ZNF207: variants seen among roughly 807,000 people sequenced by gnomAD.
ZNF207 encodes the protein BUB3-interacting and GLEBS motif-containing protein ZNF207.
In ZNF207, 24 loss-of-function variants were observed where a neutral mutation model predicts 60.2. That is an observed-to-expected ratio of 0.40 (90% CI 0.29 to 0.56). The LOEUF (loss-of-function observed/expected upper bound fraction) is 0.56. Among genes scored for constraint, ZNF207 ranks in the 20% least tolerant of loss-of-function variants. The pLI, the probability that ZNF207 is intolerant of heterozygous loss-of-function variation, is 0.49. For missense variants in ZNF207, 452 were observed against 636.6 expected (o/e 0.71, Z 3.12); for synonymous variants, 236 against 194.7 (o/e 1.21, Z -1.77).
At chr17:32,366,514 C>G (rs572590226) in intron 8 of ZNF207, 151 bp from the exon 9 acceptor site, 1 of 486,616 alleles carries the variant, frequency 2.1e-6, no homozygotes, top group African/African-American at 2.0e-5. Context: ...ATTGTAAATG[C>G]ATTAACTGCC....
chr17:32,355,294 C>G (rs1249181591), intron 2 of ZNF207, among the ~76,000 whole-genome samples: 1 of 152,156 alleles, frequency 6.6e-6, no homozygotes, highest in Non-Finnish European at 1.5e-5. Flanking sequence ...GAGGCTGAGG[C>G]AGGAGGATCG....
rs988092313 is a variant in ZNF207, at chr17:32,365,199, A to G, written c.671-131A>G. 2.2e-5 allele frequency: 22 copies of G among 997,394 alleles called. No individual in the cohort carries two copies. In the Admixed American group the frequency reaches 4.0e-4, roughly 18 times the overall value. 61.8% of individuals were successfully genotyped at this position (997,394 alleles called of 1,614,324 possible). The stretch of plus-strand genomic sequence containing the variant: ...TAAGGTAAGAATGTTGCATGGGGCA[A>G]ATGCCTAAGTTCCTTGGATTTAGTC... On this transcript the variant is annotated intron_variant, in intron 7 of 11. Coordinates refer to ENST00000394670, the MANE Select transcript of ZNF207 (RefSeq NM_001098507.2).
intron 6 of ZNF207, among the ~76,000 whole-genome samples, chr17:32,362,154 G>GTATA (rs1904924408): frequency 6.6e-6 from 1 of 151,278 alleles, no homozygotes; most frequent in Non-Finnish European, 1.5e-5. Context: ...GTGTGTGTGT[G>GTATA]TGTATATGTA....
At position 32,350,222 on chromosome 17, in the gene ZNF207, AT is replaced by A. The variant is rs761907686; in HGVS notation, c.-59del. Reference sequence around the variant, plus strand: ...AGCCGTTGGGTTGGGAAAGTGAGGGATTTTTGGCCTCGTTTCTCCTGCTTCT... The same window carrying A: ...AGCCGTTGGGTTGGGAAAGTGAGGGATTTTGGCCTCGTTTCTCCTGCTTCT... On this transcript the variant is annotated 5_prime_UTR_variant, in exon 1 of 12. Coordinates refer to ENST00000394670, the MANE Select transcript of ZNF207 (RefSeq NM_001098507.2). 3.8e-5 allele frequency: 61 copies of A among 1,609,696 alleles called. No individual in the cohort carries two copies. The East Asian group carries it at 1.3e-3, about 35-fold the overall frequency.
At chr17:32,357,569 G>A (rs1904618437) in intron 2 of ZNF207, among the ~76,000 whole-genome samples, 2 of 151,306 alleles carry the variant, frequency 1.3e-5, no homozygotes, top group South Asian at 2.1e-4. Context: ...GGCTGGTCTC[G>A]AACTCTTGAC....
At chr17:32,353,401 G>A (rs1333990911) in intron 2 of ZNF207, among the ~76,000 whole-genome samples, 1 of 152,076 alleles carries the variant, frequency 6.6e-6, no homozygotes, top group Non-Finnish European at 1.5e-5. Flanking sequence ...TGGGTGGGAG[G>A]TAGGGAGACG....
chr17:32,367,271 ATATATATAT>A (rs1567825005), intron 9 of ZNF207, among the ~76,000 whole-genome samples: 21 of 87,776 alleles, frequency 2.4e-4, no homozygotes, highest in Admixed American at 5.5e-4. Context: ...ATATATATAT[ATATATATAT>A]ATATAAAGAA....
Position 32,377,735 on chromosome 17 carries a change from A to T in ZNF207, c.*7976A>T, listed in dbSNP as rs142569387. 4 of 152,016 alleles carry T rather than the reference A, an allele frequency of 2.6e-5. No individual in the cohort carries two copies. The South Asian group carries it at 6.2e-4, about 24-fold the overall frequency. The allele number at this position is 152,016 out of a possible 1,614,324, so 9.4% of individuals were successfully genotyped here. A position where few individuals can be genotyped will look rare whatever the true frequency, so the allele number is the denominator to read the frequency against. On this transcript the variant is annotated 3_prime_UTR_variant, in exon 12 of 12. Coordinates refer to ENST00000394670, the MANE Select transcript of ZNF207 (RefSeq NM_001098507.2). ...TTGAGATGTGTCCAAGAGATTTTCA[A>T]TGTTAATTAGCTCATTCTAAATAGC...
At position 32,370,166 on chromosome 17, in the gene ZNF207, T is replaced by TGA. The variant is rs1256798262; in HGVS notation, c.*407_*408insGA. The TGA allele has an allele frequency of 6.5e-6, 1 of 154,400 alleles. No homozygotes were observed. The highest frequency in any genetic ancestry group is 1.4e-5 in the Non-Finnish European group (1 of 69,312). The allele number at this position is 154,400 out of a possible 1,614,324, so 9.6% of individuals were successfully genotyped here. A position where few individuals can be genotyped will look rare whatever the true frequency, so the allele number is the denominator to read the frequency against. On this transcript the variant is annotated 3_prime_UTR_variant, in exon 12 of 12. Transcript: ENST00000394670. ...GCTGTTGGACTTCATGTCCCCAACC[T>TGA]AGCTTGGTGAGGGCTGTAACTGTTT...
rs1215933080 is a variant in ZNF207, at chr17:32,373,729, C to G, written c.*3970C>G. 3.5e-6 allele frequency: 1 copy of G among 284,564 alleles called. No homozygotes were observed. Among genetic ancestry groups the G allele is most frequent in the African/African-American group, 2.2e-5 (1 of 45,950 alleles). The allele number at this position is 284,564 out of a possible 1,614,324, so 17.6% of individuals were successfully genotyped here. On this transcript the variant is annotated 3_prime_UTR_variant, in exon 12 of 12. Transcript: ENST00000394670. ...AAGCTTGTGTTCCTATATTGAACTT[C>G]AATAAATTGACAAAATTTGATATTT...
intron 1 of ZNF207, chr17:32,350,881 C>G (rs1391338814): frequency 2.0e-5 from 3 of 146,854 alleles, no homozygotes; most frequent in African/African-American, 7.6e-5. Context: ...GGAGAACTAG[C>G]TTCCGTGTCT....
In ZNF207 at chr17:32,361,449, T is replaced by A. The variant is rs1269653044; in HGVS notation, c.552-19T>A. 1 of 1,602,888 alleles carries A rather than the reference T, an allele frequency of 6.2e-7. No homozygotes were observed. Among genetic ancestry groups the A allele is most frequent in the Non-Finnish European group, 8.5e-7 (1 of 1,173,740 alleles). Reference sequence around the variant, plus strand: ...TGAAAATCACAGTTAGATTTTGATTTTGTCATACATTTTCACAGATTGCAT... The same window carrying A: ...TGAAAATCACAGTTAGATTTTGATTATGTCATACATTTTCACAGATTGCAT... On this transcript the variant is annotated intron_variant, in intron 5 of 11. Transcript: ENST00000394670.
chr17:32,357,339 ATTATTATTATTATT>A lies in ZNF207; in HGVS notation c.169-1161_169-1148del, dbSNP rs1421071172. Among the ~76,000 whole-genome samples, 541 of 81,890 alleles carry A rather than the reference ATTATTATTATTATT, an allele frequency of 6.6e-3. 14 individuals carry two copies. Among genetic ancestry groups the A allele is most frequent in the Non-Finnish European group, 8.9e-3 (377 of 42,548 alleles). The allele number at this position is 81,890 out of a possible 152,430, so 53.7% of individuals were successfully genotyped here. On this transcript the variant is annotated intron_variant, in intron 2 of 11. Coordinates refer to ENST00000394670, the MANE Select transcript of ZNF207 (RefSeq NM_001098507.2). ...TATTATTATTATTATTATTATTATT[ATTATTATTATTATT>A]TTTTTTTTTTTTTGAGACAGAATCT...
intron 2 of ZNF207, among the ~76,000 whole-genome samples, chr17:32,353,049 C>T (rs897667661): frequency 2.0e-5 from 3 of 152,146 alleles, no homozygotes; most frequent in African/African-American, 7.2e-5. Context: ...TGGCATGGGC[C>T]TGTAATCCTG....
chr17:32,366,737 CTG>C lies in ZNF207; in HGVS notation c.903_904del (p.Phe302SerfsTer2). ...SESLSASSKA[L>X]FPSTAQAQAA... ...AAGTCTGTCTGCATCTTCTAAAGCTCTGTTTCCTAGCACAGCACAAGTACGCA... is the reference window on the plus strand; with the variant it reads ...AAGTCTGTCTGCATCTTCTAAAGCTCTTTCCTAGCACAGCACAAGTACGCA... On this transcript the variant is annotated frameshift_variant, in exon 9 of 12. Coordinates refer to ENST00000394670, the MANE Select transcript of ZNF207 (RefSeq NM_001098507.2). LOFTEE classifies it high-confidence loss of function. The C allele has an allele frequency of 6.2e-7, 1 of 1,610,684 alleles. No individual in the cohort carries two copies. Among genetic ancestry groups the C allele is most frequent in the Non-Finnish European group, 8.5e-7 (1 of 1,178,832 alleles).
intron 2 of ZNF207, among the ~76,000 whole-genome samples, chr17:32,356,522 T>C (rs1028995896): frequency 6.6e-6 from 1 of 152,232 alleles, no homozygotes; most frequent in African/African-American, 2.4e-5. Flanking sequence ...TTCAAATCTT[T>C]AAGTGAGATA....
At chr17:32,366,994 TG>T (rs1211566931) in intron 9 of ZNF207, among the ~76,000 whole-genome samples, 2 of 152,000 alleles carry the variant, frequency 1.3e-5, no homozygotes, top group Non-Finnish European at 2.9e-5. Flanking sequence ...TGCATTATAG[TG>T]GCCAATGGTT....
chr17:32,351,216 C>T (rs2041500480), intron 1 of ZNF207: 2 of 173,146 alleles, frequency 1.2e-5, no homozygotes, highest in South Asian at 2.4e-4. Context: ...AAGAATTCTG[C>T]TTTATTGATT....
chr17:32,368,591 TGAGGC>T (rs1905307603), intron 10 of ZNF207, among the ~76,000 whole-genome samples: 1 of 151,288 alleles, frequency 6.6e-6, no homozygotes, highest in African/African-American at 2.4e-5. Flanking sequence ...CTCGGGAGGC[TGAGGC>T]GGGATCATCA....
Sources: gnomAD v4.1 joint callset for allele counts (sites outside exome capture counted in the v4.1 genomes callset) on GRCh38, gnomAD v4.1.1 for gene constraint, MANE v1.5 for transcripts, NCBI Gene and HGNC (gene_info 2026-07-23, HGNC 2026-07-21) for gene names.